Variants in WWOX observed in about 807,000 individuals in gnomAD.
WWOX encodes the protein WW domain-containing oxidoreductase.
WWOX carries 69 observed loss-of-function variants against 46.2 expected under a neutral mutation model. The observed-to-expected ratio is 1.49, with a 90% confidence interval of 1.23 to 1.82. The LOEUF is 1.82. WWOX is among the 40% of genes most tolerant of loss of function. The probability of loss-of-function intolerance (pLI) is 0.00; values close to 1 mark genes in which losing one functional copy is unlikely to be tolerated. For missense variants in WWOX, 919 were observed against 542.6 expected, an observed-to-expected ratio of 1.69 and a Z score of -6.89; for synonymous variants, 359 against 202.6, an observed-to-expected ratio of 1.77 and a Z score of -6.56.
chr16:78,525,006 C>T (rs1388757268), intron 8 of WWOX, among the ~76,000 whole-genome samples: 5 of 150,376 alleles, frequency 3.3e-5, no homozygotes, highest in East Asian at 3.9e-4. Context: ...GCTGGAATTA[C>T]GGGCTCATGC....
chr16:78,195,795 C>A (rs2036030150), intron 5 of WWOX, among the ~76,000 whole-genome samples: 2 of 128,818 alleles, frequency 1.6e-5, no homozygotes, highest in Non-Finnish European at 3.1e-5. Context: ...GCACTCCGGC[C>A]TGGGTGACAG....
At chr16:78,297,670 C>T (rs967114591) in intron 5 of WWOX, among the ~76,000 whole-genome samples, 4 of 152,048 alleles carry the variant, frequency 2.6e-5, no homozygotes, top group South Asian at 4.2e-4. Flanking sequence ...GACGGAGCAC[C>T]GGACTGATGC....
intron 1 of WWOX, among the ~76,000 whole-genome samples, chr16:78,102,350 T>C (rs2031853366): frequency 6.6e-6 from 1 of 152,174 alleles, no homozygotes; most frequent in Middle Eastern, 3.2e-3. Flanking sequence ...ATGTGAAGGT[T>C]AAGGCAGGGA....
At chr16:78,926,493 G>A (rs1355816572) in intron 8 of WWOX, among the ~76,000 whole-genome samples, 1 of 152,126 alleles carries the variant, frequency 6.6e-6, no homozygotes, top group Non-Finnish European at 1.5e-5. Flanking sequence ...CTCCATCCTT[G>A]TCTTTGAGGA....
intron 8 of WWOX, among the ~76,000 whole-genome samples, chr16:78,471,407 G>A (rs2084216868): frequency 6.6e-6 from 1 of 152,142 alleles, no homozygotes; most frequent in Non-Finnish European, 1.5e-5. Flanking sequence ...ATTAAGTTTT[G>A]CTTCAAATGG....
chr16:78,311,790 CGGG>C (rs869211751), intron 5 of WWOX, among the ~76,000 whole-genome samples: 2 of 44,674 alleles, frequency 4.5e-5, no homozygotes, highest in African/African-American at 7.0e-5. Flanking sequence ...AGCAGCCTGG[CGGG>C]GGGGTATTCA....
chr16:79,138,122 A>G (rs768864212), intron 8 of WWOX, among the ~76,000 whole-genome samples: 1 of 152,176 alleles, frequency 6.6e-6, no homozygotes, highest in Non-Finnish European at 1.5e-5. Flanking sequence ...ACAGCCAGAA[A>G]TAATTCCCCG....
At chr16:78,938,513 T>G (rs940493314) in intron 8 of WWOX, among the ~76,000 whole-genome samples, 2 of 147,760 alleles carry the variant, frequency 1.4e-5, no homozygotes, top group Non-Finnish European at 3.0e-5. Flanking sequence ...TGGGCCTGTT[T>G]GAGTTGACCT....
At chr16:78,124,331 T>G (rs2033262941) in intron 4 of WWOX, 1 of 152,190 alleles carries the variant, frequency 6.6e-6, no homozygotes, top group Non-Finnish European at 1.5e-5. Context: ...TTGTTAAAAC[T>G]AGATGGCGAT....
intron 8 of WWOX, among the ~76,000 whole-genome samples, chr16:78,517,745 G>A (rs1330560023): frequency 2.7e-5 from 4 of 150,644 alleles, no homozygotes; most frequent in East Asian, 3.9e-4. Context: ...CACATGTCAC[G>A]TTATGGAGCT....
chr16:78,940,303 G>T (rs1232055703), intron 8 of WWOX, among the ~76,000 whole-genome samples: 3 of 151,988 alleles, frequency 2.0e-5, no homozygotes, highest in East Asian at 1.9e-4. Flanking sequence ...CTGATTTTTT[G>T]ATTTATGAGT....
At position 79,067,141 on chromosome 16, in the gene WWOX, C is replaced by G. The variant is rs1210206234; in HGVS notation, c.1057-144467C>G. Among the ~76,000 whole-genome samples the G allele has an allele frequency of 2.6e-5, 4 of 152,216 alleles. No homozygotes were observed. In the South Asian group the frequency reaches 6.2e-4, roughly 24 times the overall value. On this transcript the variant is annotated intron_variant, in intron 8 of 8. Transcript: ENST00000566780. ...CTTGGAGGCCCTGTCTAGGGCCTGT[C>G]TGGGGCTCCAGCTTTCATAGGGCCG...
intron 8 of WWOX, among the ~76,000 whole-genome samples, chr16:78,554,334 A>G (rs2044239346): frequency 6.6e-6 from 1 of 152,146 alleles, no homozygotes; most frequent in South Asian, 2.1e-4. Flanking sequence ...GTATGTGGGA[A>G]TTATTTATAT....
chr16:78,882,880 G>C lies in WWOX; in HGVS notation c.1057-328728G>C, dbSNP rs373162660. The stretch of plus-strand genomic sequence containing the variant: ...TTTAGCAAAGACTTCCTGAGTGTCT[G>C]CTTGGTCGAGTGACACAAACTGGAA... On this transcript the variant is annotated intron_variant, in intron 8 of 8. Transcript: ENST00000566780. Among the ~76,000 whole-genome samples, 27 of 151,824 alleles carry C rather than the reference G, an allele frequency of 1.8e-4. No individual in the cohort carries two copies. In the East Asian group the frequency reaches 3.1e-3, roughly 17 times the overall value.
chr16:78,101,499 A>AC (rs1264686842), intron 1 of WWOX, among the ~76,000 whole-genome samples: 12 of 151,594 alleles, frequency 7.9e-5, no homozygotes, highest in Non-Finnish European at 1.3e-4. Context: ...GGCGCCCGCC[A>AC]CCAGGCCTGG....
intron 8 of WWOX, among the ~76,000 whole-genome samples, chr16:78,775,616 C>T (rs1205378779): frequency 6.6e-6 from 1 of 152,188 alleles, no homozygotes; most frequent in Non-Finnish European, 1.5e-5. Context: ...CACAACTTCA[C>T]CCTGCTCCAA....
chr16:79,023,038 G>T (rs1028723780), intron 8 of WWOX, among the ~76,000 whole-genome samples: 15 of 151,074 alleles, frequency 9.9e-5, no homozygotes, highest in South Asian at 6.2e-4. Context: ...ACTGCTGTTG[G>T]CTTATTGAAA....
chr16:78,650,665 G>T (rs542812679), intron 8 of WWOX, among the ~76,000 whole-genome samples: 1 of 152,218 alleles, frequency 6.6e-6, no homozygotes, highest in Non-Finnish European at 1.5e-5. Context: ...CAGGAAACCA[G>T]ATTTAATACT....
At chr16:78,869,546 T>A (rs2044081140) in intron 8 of WWOX, among the ~76,000 whole-genome samples, 1 of 152,194 alleles carries the variant, frequency 6.6e-6, no homozygotes, top group East Asian at 1.9e-4. Context: ...CCAAGTCTGG[T>A]CAATTGAAAC....
Sources: gnomAD v4.1 joint callset for allele counts (sites outside exome capture counted in the v4.1 genomes callset) on GRCh38, gnomAD v4.1.1 for gene constraint, MANE v1.5 for transcripts, NCBI Gene and HGNC (gene_info 2026-07-23, HGNC 2026-07-21) for gene names.